PPP2R5C: variants seen among roughly 807,000 people sequenced by gnomAD.
PPP2R5C encodes the protein protein phosphatase 2 regulatory subunit B'gamma.
A neutral mutation model predicts 68.9 loss-of-function variants in PPP2R5C; 7 were observed. That is an observed-to-expected ratio of 0.10 (90% CI 0.06 to 0.19). The LOEUF is 0.19. PPP2R5C is among the 10% of genes least tolerant of loss of function. The pLI is 1.00. For synonymous variants in PPP2R5C, 210 were observed against 222.2 expected (o/e 0.95, Z 0.49); for missense variants, 348 against 641.3 (o/e 0.54, Z 4.94).
chr14:101,793,387 G>A (rs2038452648), intron 3 of PPP2R5C, among the ~76,000 whole-genome samples: 1 of 152,206 alleles, frequency 6.6e-6, no homozygotes. Context: ...TTTGAAGCAG[G>A]ATATTTCCCT....
At chr14:101,834,732 G>C (rs1383349312) in intron 1 of PPP2R5C, among the ~76,000 whole-genome samples, 2 of 152,142 alleles carry the variant, frequency 1.3e-5, no homozygotes, top group African/African-American at 4.8e-5. Flanking sequence ...ATGGGGATGA[G>C]AGGAGGGGAT....
In PPP2R5C at chr14:101,915,826, G is replaced by A. The variant is rs1259380805; in HGVS notation, c.1327-2005G>A. Among the ~76,000 whole-genome samples the A allele has an allele frequency of 6.6e-6, 1 of 152,184 alleles. No homozygotes were observed. The highest frequency in any genetic ancestry group is 2.4e-5 in the African/African-American group (1 of 41,436). On this transcript the variant is annotated intron_variant, in intron 12 of 13. Coordinates refer to ENST00000334743, the Ensembl canonical transcript of PPP2R5C. This position sits in a 1 kb window ranked among gnomAD's most constrained non-coding sequence, Gnocchi z 4.2. The stretch of plus-strand genomic sequence containing the variant: ...ATCAGATTGTATTAATAACATACCT[G>A]GGGGAGTGTGCTGGAGATGGCAGGA...
At chr14:101,834,462 C>T (rs2040956443) in intron 1 of PPP2R5C, among the ~76,000 whole-genome samples, 1 of 152,236 alleles carries the variant, frequency 6.6e-6, no homozygotes, top group Non-Finnish European at 1.5e-5. Flanking sequence ...ACAAGGCCAC[C>T]AGCAAGTTAA....
At chr14:101,777,142 C>T (rs568430468) in intron 2 of PPP2R5C, among the ~76,000 whole-genome samples, 3 of 151,856 alleles carry the variant, frequency 2.0e-5, no homozygotes, top group Non-Finnish European at 4.4e-5. Context: ...GCCTCCCAAA[C>T]GCTCGTTCCT....
intron 5 of PPP2R5C, among the ~76,000 whole-genome samples, chr14:101,889,374 T>G (rs1387427754): frequency 2.0e-5 from 3 of 152,182 alleles, no homozygotes; most frequent in Non-Finnish European, 4.4e-5. Flanking sequence ...TTTGTTTCTG[T>G]AGGAGCCCTT....
At chr14:101,771,266 T>TGTGTGTGTGTGTGTGTG (rs1399197887) in intron 2 of PPP2R5C, among the ~76,000 whole-genome samples, 1 of 150,624 alleles carries the variant, frequency 6.6e-6, no homozygotes, top group Non-Finnish European at 1.5e-5. Context: ...TGTGTGTGTA[T>TGTGTGTGTGTGTGTGTG]TTTTTTGAGA....
intron 2 of PPP2R5C, among the ~76,000 whole-genome samples, chr14:101,773,363 T>A (rs2037253417): frequency 1.3e-5 from 2 of 152,016 alleles, no homozygotes. Flanking sequence ...GCCCCTCTGC[T>A]GGAGATTGGG....
At chr14:101,866,168 A>T (rs2448247) in intron 2 of PPP2R5C, among the ~76,000 whole-genome samples, 152,375 of 152,376 alleles carry the variant, frequency 1, 76,187 homozygotes, top group Non-Finnish European at 1. Flanking sequence ...GTACTGGGAT[A>T]ACTGGCGTGA....
At chr14:101,887,636 G>A (rs893009060) in intron 5 of PPP2R5C, among the ~76,000 whole-genome samples, 1 of 152,176 alleles carries the variant, frequency 6.6e-6, no homozygotes, top group African/African-American at 2.4e-5. Context: ...CCACGGCCAC[G>A]TCCAAGAGGG....
intron 1 of PPP2R5C, chr14:101,820,589 AT>A (rs924194751): frequency 1.3e-5 from 2 of 152,198 alleles, no homozygotes; most frequent in African/African-American, 4.8e-5. Context: ...AACATCGGCA[AT>A]TTTTTGAGAA....
chr14:101,856,865 T>C (rs749710249), exon 2 of PPP2R5C: 1 of 1,613,984 alleles, frequency 6.2e-7, no homozygotes, highest in South Asian at 1.1e-5. Flanking sequence ...AGAGCCTATT[T>C]ACCCAGAAGT....
chr14:101,863,071 G>A (rs2042850603), intron 2 of PPP2R5C, among the ~76,000 whole-genome samples: 1 of 152,096 alleles, frequency 6.6e-6, no homozygotes, highest in Non-Finnish European at 1.5e-5. Context: ...ACTTTGGGAG[G>A]CCAAGGCGGG....
chr14:101,764,894 C>G (rs2036772658), intron 2 of PPP2R5C, among the ~76,000 whole-genome samples: 1 of 149,516 alleles, frequency 6.7e-6, no homozygotes, highest in Non-Finnish European at 1.5e-5. Context: ...CCTATATCCT[C>G]TTACTTTAGC....
intron 1 of PPP2R5C, among the ~76,000 whole-genome samples, chr14:101,840,394 T>C (rs1258884909): frequency 6.7e-6 from 1 of 149,452 alleles, no homozygotes; most frequent in East Asian, 2.0e-4. Flanking sequence ...GCAGCCAGCG[T>C]CTCTTGCCTT....
At chr14:101,886,998 G>A (rs527422275) in intron 5 of PPP2R5C, among the ~76,000 whole-genome samples, 36 of 152,270 alleles carry the variant, frequency 2.4e-4, no homozygotes, top group African/African-American at 8.4e-4. Context: ...GCCTCCCAAA[G>A]CACTGGGATT....
chr14:101,808,118 G>A (rs142101530), upstream of PPP2R5C, among the ~76,000 whole-genome samples: 1 of 151,256 alleles, frequency 6.6e-6, no homozygotes, highest in Non-Finnish European at 1.5e-5. Context: ...GGAGGCTGGG[G>A]TGTGGGGCAG....
At position 101,891,642 on chromosome 14, in the gene PPP2R5C, A is replaced by G. The variant is rs114456401; in HGVS notation, c.689+1346A>G. ...GGGCCGCCGGGCAGCTCCCGCCGAG[A>G]GGCTGATTAGTTTTATCCTTCTTCC... is the stretch of plus-strand genomic sequence containing the variant. On this transcript the variant is annotated intron_variant, in intron 6 of 13. Coordinates refer to ENST00000334743, the Ensembl canonical transcript of PPP2R5C. The surrounding 1 kb of genome is among the most constrained non-coding windows in gnomAD (Gnocchi z 4.9). Among the ~76,000 whole-genome samples the G allele has an allele frequency of 8.8e-3, 1,330 of 151,934 alleles. 17 individuals carry two copies. Among genetic ancestry groups the G allele is most frequent in the African/African-American group, 0.03 (1,243 of 41,442 alleles).
In PPP2R5C at chr14:101,888,787, T is replaced by G. The variant is rs1209016864; in HGVS notation, c.630-1450T>G. On this transcript the variant is annotated intron_variant, in intron 5 of 13. Transcript: ENST00000334743. The surrounding 1 kb of genome is among the most constrained non-coding windows in gnomAD (Gnocchi z 5.6). ...TTATATATTTAGTAGAGGTGGAGTT[T>G]TGCCATGTTGGCCAGGCCCGTCTTG... 6.6e-6 allele frequency among the ~76,000 whole-genome samples: 1 copy of G among 152,090 alleles called. No individual in the cohort carries two copies. The highest frequency in any genetic ancestry group is 2.4e-5 in the African/African-American group (1 of 41,412).
chr14:101,869,551 G>A (rs1259865288), intron 2 of PPP2R5C, among the ~76,000 whole-genome samples: 1 of 152,196 alleles, frequency 6.6e-6, no homozygotes, highest in East Asian at 1.9e-4. Context: ...AACAGTGCGT[G>A]AGTTCTCATG....
Sources: allele counts gnomAD v4.1 joint callset (sites outside exome capture counted in the v4.1 genomes callset), GRCh38; gene constraint gnomAD v4.1.1; non-coding constraint Gnocchi (gnomAD v3.1); transcripts MANE v1.5; gene names NCBI Gene and HGNC (gene_info 2026-07-23, HGNC 2026-07-21).